GTF3C3: variants seen among roughly 807,000 people sequenced by gnomAD.
GTF3C3 encodes the protein general transcription factor IIIC subunit 3, also known as general transcription factor 3C polypeptide 3.
GTF3C3 carries 75 observed loss-of-function variants against 105.2 expected under a neutral mutation model. The observed-to-expected ratio is 0.71, with a 90% CI of 0.59 to 0.86. The LOEUF (loss-of-function observed/expected upper bound fraction) is 0.86. Among genes scored for constraint, GTF3C3 ranks in the 40% least tolerant of loss-of-function variants. The pLI is 0.00. For missense variants in GTF3C3, 856 were observed against 1,076.5 expected, an observed-to-expected ratio of 0.80 and a Z score of 2.87; for synonymous variants, 335 against 370.4, an observed-to-expected ratio of 0.90 and a Z score of 1.10.
At position 196,775,111 on chromosome 2, in the gene GTF3C3, A is replaced by T; in HGVS notation, c.1831+5T>A. 1 of 1,611,346 alleles carries T rather than the reference A, an allele frequency of 6.2e-7. No homozygotes were observed. Among genetic ancestry groups the T allele is most frequent in the Non-Finnish European group, 8.5e-7 (1 of 1,178,224 alleles). On this transcript the variant is annotated splice_donor_5th_base_variant and intron_variant, in intron 13 of 17. Transcript: ENST00000263956. Reference sequence around the variant, plus strand: ...TATATAACATAATGCAAATGAAGTTATTACCTTTTGCATCACAATTTGCTG... The same window carrying T: ...TATATAACATAATGCAAATGAAGTTTTTACCTTTTGCATCACAATTTGCTG...
intron 14 of GTF3C3, among the ~76,000 whole-genome samples, chr2:196,772,503 G>T (rs1359182274): frequency 1.3e-5 from 2 of 152,118 alleles, no homozygotes; most frequent in Admixed American, 6.5e-5. Context: ...AGCCGAGACT[G>T]TGTCATTGCA....
intron 16 of GTF3C3, 74 bp downstream of exon 16, chr2:196,769,841 T>C (rs1259718378): frequency 2.7e-5 from 36 of 1,309,238 alleles, no homozygotes; most frequent in Non-Finnish European, 3.7e-5. Context: ...GAAGCAGGAT[T>C]TTTAAAAAAA....
At chr2:196,781,604 G>C (rs1699364321) in intron 8 of GTF3C3, among the ~76,000 whole-genome samples, 4 of 151,504 alleles carry the variant, frequency 2.6e-5, no homozygotes, top group Admixed American at 2.0e-4. Context: ...CAAGGATTTT[G>C]GTATGAGGGG....
At chr2:196,774,287 AC>A (rs1157986504) in intron 13 of GTF3C3, among the ~76,000 whole-genome samples, 1 of 152,206 alleles carries the variant, frequency 6.6e-6, no homozygotes, top group Non-Finnish European at 1.5e-5. Flanking sequence ...GCCAAAAGTG[AC>A]CATATGCCAA....
At position 196,764,466 on chromosome 2, in the gene GTF3C3, T is replaced by G; in HGVS notation, c.*97A>C. 2 of 1,075,960 alleles carry G rather than the reference T, an allele frequency of 1.9e-6. No homozygotes were observed. The highest frequency in any genetic ancestry group is 2.6e-6 in the Non-Finnish European group (2 of 768,050). 66.7% of individuals were successfully genotyped at this position (1,075,960 alleles called of 1,614,324 possible). A position where few individuals can be genotyped will look rare whatever the true frequency, so the allele number is the denominator to read the frequency against. On this transcript the variant is annotated 3_prime_UTR_variant, in exon 18 of 18. Transcript: ENST00000263956. Reference sequence around the variant, plus strand: ...TGTTTGTTAGGTAATTCTGAAATTGTCATTTCTATTTTGGAGTTACAAATA... The same window carrying G: ...TGTTTGTTAGGTAATTCTGAAATTGGCATTTCTATTTTGGAGTTACAAATA...
rs764095290 is a variant in GTF3C3 at position 196,779,048 on chromosome 2, A to AG, written c.1237_1238insC (p.Val413AlafsTer6). The AG allele has an allele frequency of 6.2e-7, 1 of 1,613,616 alleles. No individual in the cohort carries two copies. Among genetic ancestry groups the AG allele is most frequent in the Non-Finnish European group, 8.5e-7 (1 of 1,179,608 alleles). On this transcript the variant is annotated frameshift_variant, in exon 10 of 18. Coordinates refer to ENST00000263956, the MANE Select transcript of GTF3C3 (RefSeq NM_012086.5). LOFTEE classifies it high-confidence loss of function. Reference sequence around the variant, plus strand: ...TCCCATATCTTCAGGATTCTGTTCTACTAGTGTTGTCAAGAGAGGCTAGAC... The same window carrying AG: ...TCCCATATCTTCAGGATTCTGTTCTAGCTAGTGTTGTCAAGAGAGGCTAGAC...
At chr2:196,765,785 C>T (rs1049797862) in intron 17 of GTF3C3, among the ~76,000 whole-genome samples, 18 of 151,336 alleles carry the variant, frequency 1.2e-4, no homozygotes, top group Admixed American at 6.6e-4. Flanking sequence ...CTGAGGCGGG[C>T]GGATCACAAG....
intron 8 of GTF3C3, among the ~76,000 whole-genome samples, chr2:196,781,396 A>T (rs1437963512): frequency 7.3e-6 from 1 of 136,308 alleles, no homozygotes; most frequent in African/African-American, 2.6e-5. Context: ...ATAAAATTAA[A>T]TAATACAAAC....
rs775606241 is a variant in GTF3C3, at chr2:196,779,049, C to A, written c.1237G>T (p.Val413Leu). ...EPLNPLLTTL[V>L]EQNPEDMGDL... ...CCCATATCTTCAGGATTCTGTTCTA[C>A]TAGTGTTGTCAAGAGAGGCTAGACC... Residue 413 changes from valine to leucine, a missense_variant, in exon 10 of 18, where the codon GTA becomes TTA. Physicochemically the swap from Val to Leu is conservative, Grantham distance 32. Transcript: ENST00000263956. 6.2e-7 allele frequency: 1 copy of A among 1,613,590 alleles called. No individual in the cohort carries two copies. Among genetic ancestry groups the A allele is most frequent in the Non-Finnish European group, 8.5e-7 (1 of 1,179,652 alleles).
intron 8 of GTF3C3, among the ~76,000 whole-genome samples, chr2:196,782,965 T>A (rs1329893647): frequency 2.6e-5 from 4 of 152,176 alleles, no homozygotes; most frequent in Admixed American, 2.6e-4. Context: ...TCTCCTGAAC[T>A]CCCATTAGGT....
At chr2:196,783,260 AAGGGAAGGAGGGAAGG>A (rs1226978521) in intron 8 of GTF3C3, among the ~76,000 whole-genome samples, 23 of 140,532 alleles carry the variant, frequency 1.6e-4, no homozygotes, top group African/African-American at 5.6e-4. Context: ...GCCAGGAAGG[AAGGGAAGGAGGGAAGG>A]AGGGAGGGAG....
chr2:196,793,093 C>T lies in GTF3C3; in HGVS notation c.274G>A (p.Glu92Lys). 6.2e-7 allele frequency: 1 copy of T among 1,613,932 alleles called. No homozygotes were observed. The highest frequency in any genetic ancestry group is 8.5e-7 in the Non-Finnish European group (1 of 1,179,856). The change falls in exon 3 of 18, where the codon GAG becomes AAG. Residue 92 changes from glutamate to lysine, a missense_variant. This residue lies in a region of GTF3C3 where 117 missense variants were observed against 114.0 expected (regional missense o/e 1.03). Transcript: ENST00000263956. ...TCTTCCTCCTCATCATCTTCATTCT[C>T]TCCAAGCATGGAAGCAAAGACCTTG... ...VHKVFASMLG[E>K]NEDDEEEEEE... is the part of the protein sequence containing the mutation.
At chr2:196,795,203 A>G (rs1027988535) in intron 2 of GTF3C3, among the ~76,000 whole-genome samples, 1 of 151,422 alleles carries the variant, frequency 6.6e-6, no homozygotes, top group Non-Finnish European at 1.5e-5. Context: ...ACACCCAGCT[A>G]ATTTTTCTAT....
intron 16 of GTF3C3, among the ~76,000 whole-genome samples, chr2:196,768,637 C>CT (rs959101283): frequency 1.3e-5 from 2 of 152,104 alleles, no homozygotes; most frequent in East Asian, 3.9e-4. Context: ...TTCTCAGAAA[C>CT]TTTTTTTATG....
intron 15 of GTF3C3, among the ~76,000 whole-genome samples, chr2:196,771,214 G>T (rs1277915075): frequency 1.3e-5 from 2 of 151,962 alleles, no homozygotes; most frequent in African/African-American, 4.8e-5. Context: ...AAGTTTCCTT[G>T]AGTTTAATTA....
chr2:196,784,939 T>C lies in GTF3C3; in HGVS notation c.1042-10A>G, dbSNP rs764465502. ...AAAAATCTGTAATTATCTAAAAGAA[T>C]GGGAAAGAAGAAAGGAAATAAAATA... On this transcript the variant is annotated splice_polypyrimidine_tract_variant and intron_variant, in intron 7 of 17. Transcript: ENST00000263956. 1.9e-6 allele frequency: 3 copies of C among 1,557,040 alleles called. No individual in the cohort carries two copies. The highest frequency in any genetic ancestry group is 2.2e-5 in the South Asian group (2 of 89,146).
At chr2:196,794,159 G>A (rs572304253) in intron 2 of GTF3C3, among the ~76,000 whole-genome samples, 1 of 150,996 alleles carries the variant, frequency 6.6e-6, no homozygotes, top group South Asian at 2.1e-4. Flanking sequence ...CCCTCACCAT[G>A]TGATACCCTA....
rs1699451679 is a variant in GTF3C3, at chr2:196,786,306, C to T, written c.894-718G>A. On this transcript the variant is annotated intron_variant, in intron 6 of 17. Coordinates refer to ENST00000263956, the MANE Select transcript of GTF3C3 (RefSeq NM_012086.5). The surrounding 1 kb of genome is among the most constrained non-coding windows in gnomAD (Gnocchi z 4.2). ...GACAAGCTTCCAGGTGATACAAATA[C>T]TGCCAGTCTGTGGGGCAGTAATGTC... Among the ~76,000 whole-genome samples the T allele has an allele frequency of 1.3e-5, 2 of 152,194 alleles. No homozygotes were observed. The highest frequency in any genetic ancestry group is 1.5e-5 in the Non-Finnish European group (1 of 68,028).
Position 196,770,036 on chromosome 2 carries a change from T to A in GTF3C3, c.2264A>T (p.Gln755Leu). 1 of 1,523,550 alleles carries A rather than the reference T, an allele frequency of 6.6e-7. No individual in the cohort carries two copies. The highest frequency in any genetic ancestry group is 8.8e-7 in the Non-Finnish European group (1 of 1,142,302). 94.4% of individuals were successfully genotyped at this position (1,523,550 alleles called of 1,614,324 possible). ...GTGAGTGCGAAAGGCTTGCACATAC[T>A]GTCCTGGAAAATAAGCAGTGGTGTC... ...VSGSFKHALG[Q>L]YVQAFRTHPD... Residue 755 changes from glutamine to leucine, a missense_variant, in exon 16 of 18, where the codon CAG (glutamine) becomes CTG (leucine). Gln to Leu is a moderately radical substitution (Grantham distance 113, BLOSUM62 -2). Around this residue, in one of 3 missense-constraint regions of GTF3C3, gnomAD observed 605 missense variants for 833.6 expected, o/e 0.73. Coordinates refer to ENST00000263956, the MANE Select transcript of GTF3C3 (RefSeq NM_012086.5).
Sources: gnomAD v4.1 joint callset for allele counts (sites outside exome capture counted in the v4.1 genomes callset) on GRCh38, gnomAD v4.1.1 for gene constraint, gnomAD v4.1.1 regional missense constraint, Gnocchi (gnomAD v3.1) non-coding constraint, MANE v1.5 for transcripts, NCBI Gene and HGNC (gene_info 2026-07-23, HGNC 2026-07-21) for gene names.